Variants in RNF115 observed in about 807,000 individuals in gnomAD.
RNF115 encodes E3 ubiquitin-protein ligase RNF115.
Under a neutral mutation model 39.2 loss-of-function variants are expected in RNF115, and 31 were observed. That is an observed-to-expected ratio of 0.79 (90% CI 0.59 to 1.07). The LOEUF (loss-of-function observed/expected upper bound fraction) is 1.07. Ranked by LOEUF, RNF115 falls within the 50% of genes least tolerant of loss-of-function variation. The pLI is 0.00. For missense variants in RNF115, 384 were observed against 381.7 expected (o/e 1.01, Z -0.05); for synonymous variants, 124 against 131.0 (o/e 0.95, Z 0.37).
At chr1:145,798,069 C>A (rs1412707757) in intron 1 of RNF115, among the ~76,000 whole-genome samples, 1 of 152,138 alleles carries the variant, frequency 6.6e-6, no homozygotes, top group Non-Finnish European at 1.5e-5. Flanking sequence ...ACACAATTTA[C>A]AAACATTTTC....
intron 1 of RNF115, among the ~76,000 whole-genome samples, chr1:145,810,085 AG>A (rs1649631416): frequency 1.3e-5 from 1 of 75,628 alleles, no homozygotes. Context: ...ATAATAAGCA[AG>A]AAAAAAAAAA....
At chr1:145,789,942 C>T (rs587628171) in intron 1 of RNF115, among the ~76,000 whole-genome samples, 1 of 151,898 alleles carries the variant, frequency 6.6e-6, no homozygotes, top group Non-Finnish European at 1.5e-5. Context: ...AGGCGATCCA[C>T]CCGCCTCGGC....
chr1:145,812,725 C>T (rs1369845786), intron 1 of RNF115, among the ~76,000 whole-genome samples: 1 of 151,566 alleles, frequency 6.6e-6, no homozygotes, highest in Non-Finnish European at 1.5e-5. Context: ...CAACAGTCTA[C>T]TTATCATACA....
intron 2 of RNF115, among the ~76,000 whole-genome samples, chr1:145,787,662 G>C (rs746224396): frequency 2.0e-5 from 3 of 151,718 alleles, no homozygotes; most frequent in Admixed American, 6.6e-5. Flanking sequence ...CAAGGCAGGC[G>C]GATCACTTGA....
chr1:145,796,916 C>A (rs1649011956), intron 1 of RNF115, among the ~76,000 whole-genome samples: 1 of 152,036 alleles, frequency 6.6e-6, no homozygotes, highest in South Asian at 2.1e-4. Context: ...TAGAACTGAC[C>A]ATTATAGTTT....
At chr1:145,792,874 CACAT>C (rs1648742833) in intron 1 of RNF115, among the ~76,000 whole-genome samples, 1 of 152,116 alleles carries the variant, frequency 6.6e-6, no homozygotes, top group South Asian at 2.1e-4. Context: ...CTCCACTACA[CACAT>C]AAAGGATGAG....
chr1:145,764,860 G>T (rs2917109), intron 4 of RNF115, among the ~76,000 whole-genome samples: 2 of 149,710 alleles, frequency 1.3e-5, no homozygotes, highest in Non-Finnish European at 3.0e-5. Context: ...GCCTCTGCCC[G>T]GCCGCCCCTT....
At chr1:145,764,375 T>A (rs1341385288) in intron 4 of RNF115, among the ~76,000 whole-genome samples, 1 of 123,346 alleles carries the variant, frequency 8.1e-6, no homozygotes, top group Non-Finnish European at 1.7e-5. Flanking sequence ...CCGGCCGCCA[T>A]CCCATCTAGG....
intron 5 of RNF115, among the ~76,000 whole-genome samples, chr1:145,751,904 T>TC (rs1476162101): frequency 1.3e-5 from 2 of 152,184 alleles, no homozygotes. Context: ...CAAACATCCC[T>TC]CATTATAAGA....
At chr1:145,776,280 T>C (rs1647883971) in intron 3 of RNF115, among the ~76,000 whole-genome samples, 1 of 149,724 alleles carries the variant, frequency 6.7e-6, no homozygotes, top group South Asian at 2.1e-4. Flanking sequence ...TTCTGCTGCC[T>C]CAGCCTCCAG....
chr1:145,803,008 A>G (rs982725438), intron 1 of RNF115, among the ~76,000 whole-genome samples: 2 of 152,154 alleles, frequency 1.3e-5, no homozygotes, highest in Admixed American at 1.3e-4. Flanking sequence ...CAGTTCCACC[A>G]TTATCCTCAA....
chr1:145,806,167 G>A (rs587683780), intron 1 of RNF115, among the ~76,000 whole-genome samples: 1 of 152,108 alleles, frequency 6.6e-6, no homozygotes, highest in East Asian at 1.9e-4. Context: ...GGCCAACAGG[G>A]TGAAACCCCG....
chr1:145,743,270 T>C lies in RNF115; in HGVS notation c.*3596A>G, dbSNP rs1292860908. 1 of 152,146 alleles carries C rather than the reference T, an allele frequency of 6.6e-6. No homozygotes were observed. Among genetic ancestry groups the C allele is most frequent in the Non-Finnish European group, 1.5e-5 (1 of 68,084 alleles). 9.4% of individuals were successfully genotyped at this position (152,146 alleles called of 1,614,324 possible). On this transcript the variant is annotated 3_prime_UTR_variant, in exon 9 of 9. Coordinates refer to ENST00000582693, the MANE Select transcript of RNF115 (RefSeq NM_014455.4). ...TCATCCAATCAGTTGAAGGTCTGAA[T>C]AGAACAAGTAAGGGAGAAGTCCTCC...
At chr1:145,795,136 C>G (rs371657003) in intron 1 of RNF115, among the ~76,000 whole-genome samples, 15 of 151,966 alleles carry the variant, frequency 9.9e-5, no homozygotes, top group African/African-American at 3.4e-4. Flanking sequence ...GGAGTGAAGC[C>G]GCAGACCTTC....
At chr1:145,814,443 C>T (rs1211636915) in intron 1 of RNF115, among the ~76,000 whole-genome samples, 3 of 151,518 alleles carry the variant, frequency 2.0e-5, no homozygotes, top group African/African-American at 4.8e-5. Flanking sequence ...ATTAGCCAGG[C>T]GTGGTGGCAG....
At chr1:145,784,181 G>A (rs1648272443) in intron 3 of RNF115, among the ~76,000 whole-genome samples, 1 of 152,082 alleles carries the variant, frequency 6.6e-6, no homozygotes, top group African/African-American at 2.4e-5. Context: ...ACTTTACCTG[G>A]TTGTCACACC....
At chr1:145,747,070 C>T (rs1356576241) in intron 8 of RNF115, 73 bp from the exon 9 acceptor site, 50 of 1,443,270 alleles carry the variant, frequency 3.5e-5, no homozygotes, top group Non-Finnish European at 4.5e-5. Context: ...ACTTAAATAA[C>T]CCTGAGAATT....
chr1:145,778,708 A>T (rs1553716889), intron 3 of RNF115, among the ~76,000 whole-genome samples: 1 of 152,082 alleles, frequency 6.6e-6, no homozygotes. Context: ...GCAACCCCTG[A>T]TCTTTCTGTG....
chr1:145,774,032 T>G (rs1023369960), intron 3 of RNF115, among the ~76,000 whole-genome samples: 1 of 152,150 alleles, frequency 6.6e-6, no homozygotes, highest in Non-Finnish European at 1.5e-5. Context: ...TTCAGTGCCC[T>G]TTCTTCTGGC....
Sources: gnomAD v4.1 joint callset for allele counts (sites outside exome capture counted in the v4.1 genomes callset) on GRCh38, gnomAD v4.1.1 for gene constraint, MANE v1.5 for transcripts, NCBI Gene and HGNC (gene_info 2026-07-23, HGNC 2026-07-21) for gene names.